The following KIF15 variants were observed in gnomAD, a reference collection of about 807,000 sequenced individuals.
KIF15 encodes the protein kinesin-like protein KIF15.
KIF15 carries 140 observed loss-of-function variants against 190.6 expected under a neutral mutation model. That is an observed-to-expected ratio of 0.73 (90% CI 0.64 to 0.84). The LOEUF (loss-of-function observed/expected upper bound fraction) is 0.84. KIF15 is among the 40% of genes least tolerant of loss of function. The pLI is 0.00. For synonymous variants in KIF15, 528 were observed against 551.3 expected (o/e 0.96, Z 0.59); for missense variants, 1,372 against 1,584.4 (o/e 0.87, Z 2.28).
intron 1 of KIF15, among the ~76,000 whole-genome samples, chr3:44,774,101 T>C (rs1705758062): frequency 6.6e-6 from 1 of 152,124 alleles, no homozygotes; most frequent in African/African-American, 2.4e-5. Flanking sequence ...TGTGCATGTG[T>C]TGAGGGATGG....
chr3:44,867,590 A>G (rs1699334540), intron 6 of KIF15, among the ~76,000 whole-genome samples: 1 of 152,254 alleles, frequency 6.6e-6, no homozygotes, highest in African/African-American at 2.4e-5. Flanking sequence ...CTTAATGCAT[A>G]GAGATGGTTG....
chr3:44,821,641 T>G (rs1310549839), intron 20 of KIF15, among the ~76,000 whole-genome samples: 3 of 145,234 alleles, frequency 2.1e-5, no homozygotes, highest in Non-Finnish European at 4.5e-5. Flanking sequence ...CTTTCCAGAC[T>G]GGGCAGCCAG....
chr3:44,814,883 C>T (rs2125664601), intron 19 of KIF15, 28 bp from the exon 20 acceptor site: 1 of 1,547,306 alleles, frequency 6.5e-7, no homozygotes. Context: ...AAGAAACCTA[C>T]TGAGGATATG....
intron 30 of KIF15, among the ~76,000 whole-genome samples, chr3:44,845,863 T>C (rs76028867): frequency 0.019 from 2,838 of 152,290 alleles, 75 homozygotes; most frequent in African/African-American, 0.064. Context: ...CACCAATGAA[T>C]AAACGCCAAC....
downstream of KIF15, among the ~76,000 whole-genome samples, chr3:44,854,356 G>T: frequency 6.7e-6 from 1 of 148,324 alleles, no homozygotes; most frequent in Non-Finnish European, 1.5e-5. Flanking sequence ...CTACACTCCA[G>T]CCTGGGCAAC....
In KIF15 at chr3:44,812,179, C is replaced by A; in HGVS notation, c.2170-3C>A. Reference sequence around the variant, plus strand: ...TTTGATGACTGAAGTTTTTGTGTTGCAGGAACAAATGAGTGCTCTTCAAGC... The same window carrying A: ...TTTGATGACTGAAGTTTTTGTGTTGAAGGAACAAATGAGTGCTCTTCAAGC... On this transcript the variant is annotated splice_region_variant and splice_polypyrimidine_tract_variant and intron_variant, in intron 17 of 34. Coordinates refer to ENST00000326047, the MANE Select transcript of KIF15 (RefSeq NM_020242.3). 6.3e-7 allele frequency: 1 copy of A among 1,598,672 alleles called. No homozygotes were observed. Among genetic ancestry groups the A allele is most frequent in the Non-Finnish European group, 8.5e-7 (1 of 1,172,308 alleles).
At chr3:44,845,450 A>C (rs935472186) in intron 30 of KIF15, among the ~76,000 whole-genome samples, 3 of 152,178 alleles carry the variant, frequency 2.0e-5, no homozygotes, top group African/African-American at 7.2e-5. Flanking sequence ...TAATTACAAC[A>C]ACCAATCTTC....
intron 20 of KIF15, among the ~76,000 whole-genome samples, chr3:44,815,592 C>T (rs1338167059): frequency 6.6e-6 from 1 of 152,180 alleles, no homozygotes; most frequent in African/African-American, 2.4e-5. Context: ...GAAGAAAGGA[C>T]AGTCAGTATA....
intron 1 of KIF15, among the ~76,000 whole-genome samples, chr3:44,769,513 G>A (rs1705556328): frequency 6.6e-6 from 1 of 152,200 alleles, no homozygotes; most frequent in Non-Finnish European, 1.5e-5. Flanking sequence ...CCTGCTGTCA[G>A]TAGCCTTCAA....
At chr3:44,810,076 T>C (rs182954459) in intron 16 of KIF15, among the ~76,000 whole-genome samples, 1 of 152,190 alleles carries the variant, frequency 6.6e-6, no homozygotes, top group Non-Finnish European at 1.5e-5. Context: ...CAAAAAATAA[T>C]AATAATTCTA....
At chr3:44,861,818 G>A (rs1699251311) in intron 6 of KIF15, 3 of 1,277,018 alleles carry the variant, frequency 2.3e-6, no homozygotes, top group East Asian at 5.9e-5. Context: ...GGGGCCTGCC[G>A]GAGCGTGGCG....
intron 20 of KIF15, 63 bp from the exon 21 acceptor site, chr3:44,825,976 A>G: frequency 7.1e-7 from 1 of 1,406,894 alleles, no homozygotes; most frequent in South Asian, 1.3e-5. Context: ...ACTGCAGATG[A>G]TCTGATTAAT....
At chr3:44,831,154 C>G in intron 26 of KIF15, 136 bp downstream of exon 26, 2 of 973,816 alleles carry the variant, frequency 2.1e-6, no homozygotes, top group South Asian at 3.3e-5. Context: ...TGCCTCAAGA[C>G]GCTTCACTAC....
intron 26 of KIF15, among the ~76,000 whole-genome samples, chr3:44,833,849 T>A (rs1041184832): frequency 6.6e-6 from 1 of 152,126 alleles, no homozygotes; most frequent in African/African-American, 2.4e-5. Flanking sequence ...GCAAGCCAAT[T>A]GAAAAGTTAG....
intron 2 of KIF15, among the ~76,000 whole-genome samples, chr3:44,775,041 A>T (rs1054259461): frequency 2.0e-5 from 3 of 152,120 alleles, no homozygotes; most frequent in African/African-American, 7.2e-5. Context: ...TGGAGGTTGC[A>T]GTGAGCCAAG....
At position 44,802,978 on chromosome 3, in the gene KIF15, G is replaced by GA; in HGVS notation, c.1678dup (p.Ser560LysfsTer2). On this transcript the variant is annotated frameshift_variant, in exon 14 of 35. Coordinates refer to ENST00000326047, the MANE Select transcript of KIF15 (RefSeq NM_020242.3). LOFTEE classifies it high-confidence loss of function. ...CTTTCTCTGAAATAAGTGGCATGGA[G>GA]AAAAGTGACAAAAGTAAGAAATGAT... 1 of 1,593,898 alleles carries GA rather than the reference G, an allele frequency of 6.3e-7. No individual in the cohort carries two copies. Among genetic ancestry groups the GA allele is most frequent in the Non-Finnish European group, 8.5e-7 (1 of 1,174,692 alleles).
At chr3:44,825,980 G>A in intron 20 of KIF15, 59 bp from the exon 21 acceptor site, 2 of 1,440,656 alleles carry the variant, frequency 1.4e-6, no homozygotes, top group Admixed American at 2.3e-5. Flanking sequence ...CAGATGATCT[G>A]ATTAATAGAA....
chr3:44,774,103 G>A (rs1705758205), intron 1 of KIF15, among the ~76,000 whole-genome samples: 1 of 152,168 alleles, frequency 6.6e-6, no homozygotes, highest in African/African-American at 2.4e-5. Context: ...TGCATGTGTT[G>A]AGGGATGGAA....
intron 12 of KIF15, 88 bp from the exon 13 acceptor site, chr3:44,801,677 A>G: frequency 2.1e-6 from 2 of 972,310 alleles, no homozygotes; most frequent in Admixed American, 2.5e-5. Flanking sequence ...AAGATTAAAT[A>G]TGAAATTAGT....
Sources: gnomAD v4.1 joint callset for allele counts (sites outside exome capture counted in the v4.1 genomes callset) on GRCh38, gnomAD v4.1.1 for gene constraint, MANE v1.5 for transcripts, NCBI Gene and HGNC (gene_info 2026-07-23, HGNC 2026-07-21) for gene names.